SCN8A: variants seen among roughly 807,000 people sequenced by gnomAD.
SCN8A encodes the protein sodium voltage-gated channel alpha subunit 8.
Under a neutral mutation model 184.1 loss-of-function variants are expected in SCN8A, and 30 were observed. The ratio of observed to expected loss-of-function variants is 0.16; its 90% CI spans 0.12 to 0.22. The LOEUF is 0.22. Among genes scored for constraint, SCN8A ranks in the 10% least tolerant of loss-of-function variants. The pLI is 1.00. For synonymous variants in SCN8A, 852 were observed against 907.0 expected, an observed-to-expected ratio of 0.94 and a Z score of 1.09; for missense variants, 1,057 against 2,498.9, an observed-to-expected ratio of 0.42 and a Z score of 12.30.
At chr12:51,679,093 T>TA (rs58620372) in intron 2 of SCN8A, among the ~76,000 whole-genome samples, 162 of 149,738 alleles carry the variant, frequency 1.1e-3, no homozygotes, top group African/African-American at 3.9e-3. Context: ...AATAAAAAAA[T>TA]AAAAAAAAAT....
chr12:51,792,754 A>G (rs541010942), intron 25 of SCN8A, among the ~76,000 whole-genome samples: 1 of 152,038 alleles, frequency 6.6e-6, no homozygotes, highest in South Asian at 2.1e-4. Flanking sequence ...TTTTTGTTTT[A>G]TGTTTTGAGA....
At chr12:51,778,677 T>A (rs1032094154) in intron 20 of SCN8A, among the ~76,000 whole-genome samples, 13 of 152,224 alleles carry the variant, frequency 8.5e-5, no homozygotes, top group South Asian at 2.1e-4. Context: ...TTCATTTTTT[T>A]AAAAATTGTG....
intron 5 of SCN8A, among the ~76,000 whole-genome samples, chr12:51,688,170 T>G (rs1941450472): frequency 6.6e-6 from 1 of 152,218 alleles, no homozygotes; most frequent in Non-Finnish European, 1.5e-5. Context: ...AGCTTGTAAT[T>G]AAAATGAGCA....
At chr12:51,660,895 T>C (rs1940912273) in intron 1 of SCN8A, among the ~76,000 whole-genome samples, 1 of 152,088 alleles carries the variant, frequency 6.6e-6, no homozygotes, top group South Asian at 2.1e-4. Context: ...TAGGGATTTA[T>C]TGGGGGGCAA....
chr12:51,635,759 G>A (rs1040592955), intron 1 of SCN8A, among the ~76,000 whole-genome samples: 2 of 152,116 alleles, frequency 1.3e-5, no homozygotes, highest in Admixed American at 1.3e-4. Flanking sequence ...AAAGTTTAAG[G>A]TGGTTCCTCC....
chr12:51,649,769 A>G (rs984916631), intron 1 of SCN8A, among the ~76,000 whole-genome samples: 1 of 152,230 alleles, frequency 6.6e-6, no homozygotes, highest in African/African-American at 2.4e-5. Flanking sequence ...GCTGCTATGA[A>G]GAACTCTGAC....
chr12:51,788,668 C>G, intron 22 of SCN8A, 27 bp from the exon 23 acceptor site: 1 of 1,586,598 alleles, frequency 6.3e-7, no homozygotes, highest in Non-Finnish European at 8.6e-7. Flanking sequence ...TTATAGGCAC[C>G]GTCTAATGAC....
Position 51,795,246 on chromosome 12 carries a change from C to G in SCN8A, c.4795+605C>G, listed in dbSNP as rs182446762. ...GCTAGGAGGTGGTGGAGGCATAACT[C>G]GAGTTGATCCCAAAGTCCAAGTTTT... On this transcript the variant is annotated intron_variant, in intron 26 of 26. Coordinates refer to ENST00000627620, the MANE Select transcript of SCN8A (RefSeq NM_001330260.2). 2.6e-3 allele frequency among the ~76,000 whole-genome samples: 401 copies of G among 152,254 alleles called. 2 individuals carry two copies. The highest frequency in any genetic ancestry group is 0.014 in the Middle Eastern group (4 of 294).
In SCN8A at chr12:51,809,744, C is replaced by G. The variant is rs1240837034; in HGVS notation, c.*2315C>G. On this transcript the variant is annotated 3_prime_UTR_variant, in exon 27 of 27. Coordinates refer to ENST00000627620, the MANE Select transcript of SCN8A (RefSeq NM_001330260.2). The stretch of plus-strand genomic sequence containing the variant: ...TTATTGGCATGCCTTTTTGTAAATA[C>G]AAATTATTAACTTATTAAATAGGAA... 6.6e-6 allele frequency: 1 copy of G among 152,128 alleles called. No individual in the cohort carries two copies. Among genetic ancestry groups the G allele is most frequent in the African/African-American group, 2.4e-5 (1 of 41,436 alleles). 9.4% of individuals were successfully genotyped at this position (152,128 alleles called of 1,614,324 possible).
rs374016524 is a variant in SCN8A at position 51,781,907 on chromosome 12, G to A, written c.3942+1136G>A. On this transcript the variant is annotated intron_variant, in intron 21 of 26. Transcript: ENST00000627620. Reference sequence around the variant, plus strand: ...ACGATAGTCTACGTGAAGCAAGACCGATTGGAAAAACTAGATACCAGGACA... The same window carrying A: ...ACGATAGTCTACGTGAAGCAAGACCAATTGGAAAAACTAGATACCAGGACA... Among the ~76,000 whole-genome samples the A allele has an allele frequency of 2.6e-5, 4 of 152,180 alleles. No homozygotes were observed. In the South Asian group the frequency reaches 6.2e-4, roughly 24 times the overall value.
chr12:51,792,491 A>G (rs1185060918), intron 25 of SCN8A, among the ~76,000 whole-genome samples: 15 of 134,416 alleles, frequency 1.1e-4, no homozygotes, highest in Non-Finnish European at 1.8e-4. Flanking sequence ...CCTATCTCAA[A>G]AAAAAAAAAA....
chr12:51,623,807 TC>T (rs1355417142), intron 1 of SCN8A, among the ~76,000 whole-genome samples: 1 of 152,072 alleles, frequency 6.6e-6, no homozygotes, highest in African/African-American at 2.4e-5. Flanking sequence ...ATGTTCCCCT[TC>T]CTGTGTCCAT....
rs369772138 is a variant in SCN8A at position 51,658,188 on chromosome 12, C to G, written c.-54-4576C>G. Among the ~76,000 whole-genome samples, 6 of 152,106 alleles carry G rather than the reference C, an allele frequency of 3.9e-5. No individual in the cohort carries two copies. In the East Asian group the frequency reaches 1.2e-3, roughly 29 times the overall value. On this transcript the variant is annotated intron_variant, in intron 1 of 26. Transcript: ENST00000627620. ...TATTTTGATAAGGATTGTATTGAACCTGTAGATGGCTTTTGGTAGTATGGT... is the reference window on the plus strand; with the variant it reads ...TATTTTGATAAGGATTGTATTGAACGTGTAGATGGCTTTTGGTAGTATGGT...
At chr12:51,698,414 T>C (rs866634829) in intron 6 of SCN8A, among the ~76,000 whole-genome samples, 3 of 152,228 alleles carry the variant, frequency 2.0e-5, no homozygotes, top group Admixed American at 2.0e-4. Flanking sequence ...AGGGATGAGA[T>C]TCTTCCTGAG....
intron 2 of SCN8A, among the ~76,000 whole-genome samples, chr12:51,663,505 C>G (rs1197081078): frequency 1.3e-5 from 2 of 152,160 alleles, no homozygotes; most frequent in Admixed American, 6.5e-5. Flanking sequence ...TGTATTTGCT[C>G]TCTTGTCTAG....
intron 2 of SCN8A, among the ~76,000 whole-genome samples, chr12:51,674,910 G>T (rs1417821897): frequency 6.6e-6 from 1 of 152,172 alleles, no homozygotes; most frequent in African/African-American, 2.4e-5. Flanking sequence ...GACAGCTAAT[G>T]AGTGACAGAG....
chr12:51,772,110 A>G (rs555147713), intron 19 of SCN8A, among the ~76,000 whole-genome samples: 29 of 152,362 alleles, frequency 1.9e-4, no homozygotes, highest in Admixed American at 1.9e-3. Flanking sequence ...TAAGAATAAC[A>G]AAGTGGCCCG....
At chr12:51,796,771 G>C (rs1565930079) in intron 26 of SCN8A, among the ~76,000 whole-genome samples, 2 of 152,206 alleles carry the variant, frequency 1.3e-5, no homozygotes, top group Admixed American at 1.3e-4. Flanking sequence ...AGAGCCCCTG[G>C]CAAACCACTG....
At chr12:51,771,338 C>T (rs1182541510) in intron 19 of SCN8A, among the ~76,000 whole-genome samples, 1 of 151,966 alleles carries the variant, frequency 6.6e-6, no homozygotes, top group Non-Finnish European at 1.5e-5. Context: ...TACACACTTT[C>T]CTTAAGGGAA....
Sources: gnomAD v4.1 joint callset for allele counts (sites outside exome capture counted in the v4.1 genomes callset) on GRCh38, gnomAD v4.1.1 for gene constraint, MANE v1.5 for transcripts, NCBI Gene and HGNC (gene_info 2026-07-23, HGNC 2026-07-21) for gene names.